Variants in SMARCA4 observed in about 807,000 individuals in gnomAD.
The protein encoded by SMARCA4 is SWI/SNF-related matrix-associated actin-dependent regulator of chromatin subfamily A member 4.
In SMARCA4, 31 loss-of-function variants were observed where a neutral mutation model predicts 193.9. The observed-to-expected ratio is 0.16, with a 90% CI of 0.12 to 0.22. The LOEUF (loss-of-function observed/expected upper bound fraction) is 0.22. Among genes scored for constraint, SMARCA4 ranks in the 10% least tolerant of loss-of-function variants. The pLI, the probability that SMARCA4 is intolerant of heterozygous loss-of-function variation, is 1.00. For synonymous variants in SMARCA4, 942 were observed against 933.1 expected, an observed-to-expected ratio of 1.01 and a Z score of -0.17; for missense variants, 1,148 against 2,296.0, an observed-to-expected ratio of 0.50 and a Z score of 10.22.
In SMARCA4 at chr19:10,991,140, C is replaced by T. The variant is rs749444434; in HGVS notation, c.1246-10C>T. ...TGCAGTGCGCGGGCTTGTCCTCTTC[C>T]CTCCTACAGCTGCGCCAGGAGGTGG... On this transcript the variant is annotated splice_polypyrimidine_tract_variant and intron_variant, in intron 7 of 34. Transcript: ENST00000344626. The T allele has an allele frequency of 2.5e-6, 4 of 1,613,216 alleles. No homozygotes were observed. Among genetic ancestry groups the T allele is most frequent in the South Asian group, 1.1e-5 (1 of 90,910 alleles).
At position 11,002,974 on chromosome 19, in the gene SMARCA4, G is replaced by A. The variant is rs964149235; in HGVS notation, c.1813-55G>A. The A allele has an allele frequency of 9.3e-5, 150 of 1,609,512 alleles. No homozygotes were observed. In the Middle Eastern group the frequency reaches 2.3e-3, roughly 25 times the overall value. ...GTGCTTCCCACCTTGGCCTCTGTAA[G>A]TGTTTGGTCTGGAGGCCCTGCAACC... is the stretch of plus-strand genomic sequence containing the variant. On this transcript the variant is annotated intron_variant, in intron 11 of 34. Transcript: ENST00000344626.
chr19:11,034,071 G>A lies in SMARCA4; in HGVS notation c.3874-52G>A, dbSNP rs367925111. ...CCGCCGCTCGCCTCTGAGCTCGGCCGCCGCCCACCCCGGCCCCTCCTCAGC... is the reference window on the plus strand; with the variant it reads ...CCGCCGCTCGCCTCTGAGCTCGGCCACCGCCCACCCCGGCCCCTCCTCAGC... On this transcript the variant is annotated intron_variant, in intron 27 of 34. Coordinates refer to ENST00000344626, the MANE Select transcript of SMARCA4 (RefSeq NM_003072.5). This position sits in a 1 kb window ranked among gnomAD's most constrained non-coding sequence, Gnocchi z 7.0. 138 of 1,457,206 alleles carry A rather than the reference G, an allele frequency of 9.5e-5. 1 individual carries two copies. The African/African-American group carries it at 1.1e-3, about 12-fold the overall frequency. 90.3% of individuals were successfully genotyped at this position (1,457,206 alleles called of 1,614,324 possible).
intron 30 of SMARCA4, among the ~76,000 whole-genome samples, chr19:11,052,681 A>G (rs2076327106): frequency 6.6e-6 from 1 of 152,212 alleles, no homozygotes; most frequent in African/African-American, 2.4e-5. Flanking sequence ...TGTGGTGACA[A>G]CAGGGACACC....
chr19:11,021,473 A>C (rs577108049), intron 18 of SMARCA4: 1 of 610,144 alleles, frequency 1.6e-6, no homozygotes, highest in African/African-American at 1.8e-5. Context: ...CTTTTTTGCA[A>C]TTTGCATTGT....
At chr19:11,022,953 C>G (rs570852300) in intron 19 of SMARCA4, among the ~76,000 whole-genome samples, 27 of 152,200 alleles carry the variant, frequency 1.8e-4, no homozygotes, top group Middle Eastern at 3.2e-3. Flanking sequence ...TTGGCGTCGT[C>G]TCATTTTCCT....
At chr19:11,046,191 C>G (rs150695086) in intron 30 of SMARCA4, among the ~76,000 whole-genome samples, 56 of 151,686 alleles carry the variant, frequency 3.7e-4, no homozygotes, top group African/African-American at 1.4e-3. Context: ...CCACTGCACT[C>G]CAGCCTGGGC....
intron 16 of SMARCA4, chr19:11,018,454 C>T: frequency 3.5e-6 from 1 of 281,716 alleles, no homozygotes; most frequent in Non-Finnish European, 7.0e-6. Flanking sequence ...CTCCCGCCTG[C>T]CACCTGAGCC....
chr19:11,058,909 T>C lies in SMARCA4; in HGVS notation c.4635+20T>C, dbSNP rs2147099827. On this transcript the variant is annotated intron_variant, in intron 32 of 34. Coordinates refer to ENST00000344626, the MANE Select transcript of SMARCA4 (RefSeq NM_003072.5). This position sits in a 1 kb window ranked among gnomAD's most constrained non-coding sequence, Gnocchi z 5.8. ...TCCCTGGTGAGGGCACCGCTGGGGG[T>C]TGGGGATGGGCCACTCCCACAGCTG... 6.3e-7 allele frequency: 1 copy of C among 1,593,532 alleles called. No individual in the cohort carries two copies. The highest frequency in any genetic ancestry group is 8.6e-7 in the Non-Finnish European group (1 of 1,161,820).
intron 11 of SMARCA4, among the ~76,000 whole-genome samples, chr19:11,002,275 C>T (rs1186900573): frequency 6.6e-6 from 1 of 151,400 alleles, no homozygotes; most frequent in African/African-American, 2.4e-5. Flanking sequence ...GTCAGGAGAT[C>T]GAGACTGTCT....
intron 21 of SMARCA4, 100 bp downstream of exon 21, chr19:11,024,538 T>A: frequency 1.3e-6 from 1 of 781,444 alleles, no homozygotes; most frequent in Non-Finnish European, 2.2e-6. Flanking sequence ...GGTCATGATC[T>A]GGTCATGATC....
chr19:11,061,456 A>G (rs1387649770), intron 34 of SMARCA4, among the ~76,000 whole-genome samples: 1 of 151,890 alleles, frequency 6.6e-6, no homozygotes, highest in Non-Finnish European at 1.5e-5. Context: ...GCTCACTGCA[A>G]GCTCCACCCC....
In SMARCA4 at chr19:11,012,939, G is replaced by A. The variant is rs375787249; in HGVS notation, c.2275-10G>A. On this transcript the variant is annotated splice_polypyrimidine_tract_variant and intron_variant, in intron 15 of 34. Coordinates refer to ENST00000344626, the MANE Select transcript of SMARCA4 (RefSeq NM_003072.5). ...CTTCAGTCCTGGCGTGGCCGCATCT[G>A]TCCTTGCAGATCAAAGGTTTGGAGT... 362 of 1,614,000 alleles carry A rather than the reference G, an allele frequency of 2.2e-4. No individual in the cohort carries two copies. Among genetic ancestry groups the A allele is most frequent in the Non-Finnish European group, 3.0e-4 (352 of 1,180,000 alleles).
At position 10,984,146 on chromosome 19, in the gene SMARCA4, G is replaced by A. The variant is rs1332343504; in HGVS notation, c.-6G>A. On this transcript the variant is annotated 5_prime_UTR_variant, in exon 2 of 35. The change creates a new upstream start codon in the 5' untranslated region. Coordinates refer to ENST00000344626, the MANE Select transcript of SMARCA4 (RefSeq NM_003072.5). The surrounding 1 kb of genome is among the most constrained non-coding windows in gnomAD (Gnocchi z 4.3). ...CAGGAGGCCACTGTCTGCAGCTCCC[G>A]TGAAGATGTCCACTCCAGACCCACC... The A allele has an allele frequency of 5.0e-6, 8 of 1,613,660 alleles. No individual in the cohort carries two copies. Among genetic ancestry groups the A allele is most frequent in the South Asian group, 3.3e-5 (3 of 91,080 alleles).
chr19:11,013,122 C>T lies in SMARCA4; in HGVS notation c.2438+10C>T, dbSNP rs370782232. On this transcript the variant is annotated intron_variant, in intron 16 of 34. Coordinates refer to ENST00000344626, the MANE Select transcript of SMARCA4 (RefSeq NM_003072.5). ...TCATCGTGCCTCTCTCGTGAGTACCCGCTGCCAGCAACATCCCACACGCCG... is the reference window on the plus strand; with the variant it reads ...TCATCGTGCCTCTCTCGTGAGTACCTGCTGCCAGCAACATCCCACACGCCG... The T allele has an allele frequency of 3.3e-5, 54 of 1,613,634 alleles. No homozygotes were observed. The highest frequency in any genetic ancestry group is 1.3e-4 in the Admixed American group (8 of 59,976).
At position 11,019,181 on chromosome 19, in the gene SMARCA4, C is replaced by T. The variant is rs1268937870; in HGVS notation, c.2505+158C>T. ...GCCTGGAACTCCAGTCACATGGATC[C>T]GGGAGTTTGGACTGGGCAGGGACAG... On this transcript the variant is annotated intron_variant, in intron 17 of 34. Transcript: ENST00000344626. The surrounding 1 kb of genome is among the most constrained non-coding windows in gnomAD (Gnocchi z 6.1). 2.8e-5 allele frequency: 20 copies of T among 712,740 alleles called. No homozygotes were observed. The highest frequency in any genetic ancestry group is 4.0e-5 in the Admixed American group (2 of 49,988). 44.2% of individuals were successfully genotyped at this position (712,740 alleles called of 1,614,324 possible).
chr19:11,022,380 G>A (rs138214180), intron 19 of SMARCA4, among the ~76,000 whole-genome samples: 1 of 152,308 alleles, frequency 6.6e-6, no homozygotes, highest in East Asian at 1.9e-4. Flanking sequence ...CAGTTAGCGG[G>A]GCCACATGGT....
intron 30 of SMARCA4, among the ~76,000 whole-genome samples, chr19:11,047,124 A>T (rs1206776642): frequency 1.3e-5 from 2 of 152,066 alleles, no homozygotes; most frequent in Non-Finnish European, 2.9e-5. Context: ...AGTCCACAAG[A>T]TCACCCTCAA....
intron 16 of SMARCA4, 144 bp downstream of exon 16, chr19:11,013,256 A>G: frequency 1.1e-6 from 1 of 877,344 alleles, no homozygotes; most frequent in Non-Finnish European, 1.8e-6. Flanking sequence ...TCCAGGGTCA[A>G]GGTGTAGCAG....
At chr19:10,978,049 G>C (rs1245697200) in intron 1 of SMARCA4, among the ~76,000 whole-genome samples, 2 of 152,166 alleles carry the variant, frequency 1.3e-5, no homozygotes, top group Non-Finnish European at 2.9e-5. Flanking sequence ...GGCCCAGTGC[G>C]GGGAGTCTCA....
Sources: gnomAD v4.1 joint callset for allele counts (sites outside exome capture counted in the v4.1 genomes callset) on GRCh38, gnomAD v4.1.1 for gene constraint, Gnocchi (gnomAD v3.1) non-coding constraint, MANE v1.5 for transcripts, NCBI Gene and HGNC (gene_info 2026-07-23, HGNC 2026-07-21) for gene names.